CLMN: variants seen among roughly 807,000 people sequenced by gnomAD.
The protein encoded by CLMN is calmin.
CLMN carries 57 observed loss-of-function variants against 92.7 expected under a neutral mutation model. The observed-to-expected ratio is 0.61, with a 90% CI of 0.50 to 0.77. The LOEUF is 0.77. Ranked by LOEUF, CLMN falls within the 30% of genes least tolerant of loss-of-function variation. The probability of loss-of-function intolerance (pLI) is 0.00; values close to 1 mark genes in which losing one functional copy is unlikely to be tolerated. For missense variants in CLMN, 1,158 were observed against 1,237.5 expected (o/e 0.94, Z 0.96); for synonymous variants, 466 against 470.6 (o/e 0.99, Z 0.13).
In CLMN at chr14:95,238,163, C is replaced by T. The variant is rs1017082029; in HGVS notation, c.83-8030G>A. The stretch of plus-strand genomic sequence containing the variant: ...GCTGCCGACTCCCACGGCCCACTGC[C>T]ACTCCTTACTCCTGGCGTGGCCCAG... On this transcript the variant is annotated intron_variant, in intron 1 of 12. Transcript: ENST00000298912. 3.9e-5 allele frequency among the ~76,000 whole-genome samples: 6 copies of T among 152,254 alleles called. No homozygotes were observed. In the East Asian group the frequency reaches 9.6e-4, roughly 24 times the overall value.
At chr14:95,238,558 C>T (rs987331671) in intron 1 of CLMN, among the ~76,000 whole-genome samples, 7 of 152,188 alleles carry the variant, frequency 4.6e-5, no homozygotes, top group Non-Finnish European at 1.0e-4. Flanking sequence ...TGGGACCATG[C>T]GCCAAGCAGC....
Position 95,210,814 on chromosome 14 carries a change from A to G in CLMN, c.674T>C (p.Ile225Thr). ...WRSGLAFLAVIKAIDPSLVDM... is the reference protein window; with the variant it reads ...WRSGLAFLAVTKAIDPSLVDM... ...CACCAGGCTGGGGTCAATGGCCTTGATCACCGCCAGGAAAGCCAGCCCACT... is the reference window on the plus strand; with the variant it reads ...CACCAGGCTGGGGTCAATGGCCTTGGTCACCGCCAGGAAAGCCAGCCCACT... Residue 225 changes from isoleucine to threonine, a missense_variant, in exon 7 of 13, where the codon ATC becomes ACC. By Grantham distance (89) the Ile-to-Thr change is moderately conservative. Coordinates refer to ENST00000298912, the MANE Select transcript of CLMN (RefSeq NM_024734.4). 1.3e-6 allele frequency: 2 copies of G among 1,586,034 alleles called. No individual in the cohort carries two copies. Among genetic ancestry groups the G allele is most frequent in the Non-Finnish European group, 1.7e-6 (2 of 1,170,598 alleles).
chr14:95,203,395 C>A lies in CLMN; in HGVS notation c.1954G>T (p.Asp652Tyr). ...TTTTCATGCACCTCTGGCTTTTTATCCACTGGTGTCTCTTCTGGGGCTGAA... is the reference window on the plus strand; with the variant it reads ...TTTTCATGCACCTCTGGCTTTTTATACACTGGTGTCTCTTCTGGGGCTGAA... ...CPSAPEETPV[D>Y]KKPEVHEKAK... The change falls in exon 9 of 13, where the codon GAT becomes TAT. Residue 652 changes from aspartate (D) to tyrosine (Y), a missense_variant. Transcript: ENST00000298912. 6.2e-7 allele frequency: 1 copy of A among 1,614,140 alleles called. No individual in the cohort carries two copies. Among genetic ancestry groups the A allele is most frequent in the Non-Finnish European group, 8.5e-7 (1 of 1,180,024 alleles).
chr14:95,309,057 A>G (rs1055445282), intron 1 of CLMN, among the ~76,000 whole-genome samples: 2 of 152,170 alleles, frequency 1.3e-5, no homozygotes, highest in Non-Finnish European at 2.9e-5. Context: ...CGTTCAGTCA[A>G]GGAGGGAGAG....
chr14:95,236,991 T>C (rs1379113340), intron 1 of CLMN, among the ~76,000 whole-genome samples: 2 of 152,196 alleles, frequency 1.3e-5, no homozygotes, highest in Non-Finnish European at 2.9e-5. Context: ...GAGGCCTCTA[T>C]GGGATAAAGC....
At chr14:95,221,413 A>G (rs2140617036) in intron 4 of CLMN, among the ~76,000 whole-genome samples, 1 of 152,324 alleles carries the variant, frequency 6.6e-6, no homozygotes, top group South Asian at 2.1e-4. Flanking sequence ...AATTCTAAAT[A>G]TCTGAGAGCC....
intron 1 of CLMN, among the ~76,000 whole-genome samples, chr14:95,244,129 A>G (rs28437773): frequency 0.23 from 35,235 of 152,016 alleles, 5,321 homozygotes; most frequent in African/African-American, 0.43. Context: ...CATGCTTCCT[A>G]TACAGCCTGC....
At chr14:95,270,434 A>C (rs941684328) in intron 1 of CLMN, among the ~76,000 whole-genome samples, 3 of 152,196 alleles carry the variant, frequency 2.0e-5, no homozygotes, top group African/African-American at 2.4e-5. Context: ...ATTAGCTGTC[A>C]TTCTCCATTC....
chr14:95,227,653 T>C (rs1331323759), intron 2 of CLMN, among the ~76,000 whole-genome samples: 19 of 152,184 alleles, frequency 1.2e-4, no homozygotes, highest in Admixed American at 1.2e-3. Context: ...CCGGAGTCCA[T>C]CCTGCGAGAT....
At chr14:95,264,033 T>G (rs1336368727) in intron 1 of CLMN, among the ~76,000 whole-genome samples, 1 of 151,166 alleles carries the variant, frequency 6.6e-6, no homozygotes. Flanking sequence ...TATTTATTTA[T>G]TTATTTATTT....
chr14:95,244,926 T>C (rs886830115), intron 1 of CLMN, among the ~76,000 whole-genome samples: 1 of 151,094 alleles, frequency 6.6e-6, no homozygotes, highest in African/African-American at 2.4e-5. Flanking sequence ...TTCACTTTGC[T>C]GTCAGGAAAT....
At chr14:95,260,168 G>A (rs116656629) in intron 1 of CLMN, among the ~76,000 whole-genome samples, 2,174 of 152,278 alleles carry the variant, frequency 0.014, 67 homozygotes, top group African/African-American at 0.05. Context: ...AAAGCCAGGC[G>A]CAGTGGCTCA....
rs921565136 is a variant in CLMN, at chr14:95,203,251, G to A, written c.2098C>T (p.Leu700Phe). 1 of 1,613,868 alleles carries A rather than the reference G, an allele frequency of 6.2e-7. No individual in the cohort carries two copies. The highest frequency in any genetic ancestry group is 8.5e-7 in the Non-Finnish European group (1 of 1,180,032). The stretch of plus-strand genomic sequence containing the variant: ...AGGCCTTCTTCGCTGTGACTCCCAA[G>A]GGTCTCCAAGCTGACACAGCTGCTT... ...PPSSCVSLET[L>F]GSHSEEGLDF... The change falls in exon 9 of 13, where the codon CTT becomes TTT. Residue 700 changes from leucine (L) to phenylalanine (F), a missense_variant. Leu to Phe is a conservative substitution (Grantham distance 22, BLOSUM62 0). Coordinates refer to ENST00000298912, the MANE Select transcript of CLMN (RefSeq NM_024734.4).
chr14:95,239,521 C>T (rs183140631), intron 1 of CLMN, among the ~76,000 whole-genome samples: 83 of 152,290 alleles, frequency 5.5e-4, no homozygotes, highest in African/African-American at 2.0e-3. Context: ...CTTTTAATCC[C>T]AATGTTTTTG....
At chr14:95,230,728 C>T (rs1424685961) in intron 1 of CLMN, among the ~76,000 whole-genome samples, 1 of 152,236 alleles carries the variant, frequency 6.6e-6, no homozygotes, top group Admixed American at 6.5e-5. Flanking sequence ...CTCCAAGCTG[C>T]TCTAAGGATA....
At position 95,210,834 on chromosome 14, in the gene CLMN, C is replaced by G; in HGVS notation, c.654G>C (p.Gly218=). 6.4e-7 allele frequency: 1 copy of G among 1,569,290 alleles called. No individual in the cohort carries two copies. The highest frequency in any genetic ancestry group is 1.4e-5 in the African/African-American group (1 of 71,318). ...CCTTGATCACCGCCAGGAAAGCCAG[C>G]CCACTCCTCCAACTGCCCGCAAAGT... ...VQDFAGSWRS[G]LAFLAVIKAI... is the part of the protein sequence containing the mutation. Residue 218 remains glycine (G), a synonymous_variant, in exon 7 of 13, where the codon GGG becomes GGC. Coordinates refer to ENST00000298912, the MANE Select transcript of CLMN (RefSeq NM_024734.4).
intron 1 of CLMN, among the ~76,000 whole-genome samples, chr14:95,307,102 A>G (rs1430403420): frequency 6.6e-6 from 1 of 152,224 alleles, no homozygotes; most frequent in East Asian, 1.9e-4. Context: ...ATATGACCTC[A>G]CTGAATGTTC....
At chr14:95,208,377 G>A (rs188536099) in intron 8 of CLMN, among the ~76,000 whole-genome samples, 196 of 152,224 alleles carry the variant, frequency 1.3e-3, no homozygotes, top group African/African-American at 4.4e-3. Context: ...GGAGTTCAAC[G>A]GGGCCAGGAC....
chr14:95,316,310 C>T (rs1278294910), intron 1 of CLMN, among the ~76,000 whole-genome samples: 1 of 152,266 alleles, frequency 6.6e-6, no homozygotes, highest in African/African-American at 2.4e-5. Flanking sequence ...CCCCTGTTTC[C>T]TTGCAAGGGA....
Sources: allele counts gnomAD v4.1 joint callset (sites outside exome capture counted in the v4.1 genomes callset), GRCh38; gene constraint gnomAD v4.1.1; transcripts MANE v1.5; gene names NCBI Gene and HGNC (gene_info 2026-07-23, HGNC 2026-07-21).